Variants in CNTNAP4 observed in about 807,000 individuals in gnomAD.
CNTNAP4 encodes the protein contactin-associated protein-like 4.
Under a neutral mutation model 148.4 loss-of-function variants are expected in CNTNAP4, and 98 were observed. The observed-to-expected ratio is 0.66, with a 90% confidence interval of 0.56 to 0.78. CNTNAP4 has a LOEUF of 0.78. Ranked by LOEUF, CNTNAP4 falls within the 30% of genes least tolerant of loss-of-function variation. The pLI is 0.00. For missense variants in CNTNAP4, 1,935 were observed against 1,565.6 expected (o/e 1.24, Z -3.98); for synonymous variants, 730 against 565.1 (o/e 1.29, Z -4.14).
At chr16:76,552,672 A>G (rs1339616204) in intron 21 of CNTNAP4, among the ~76,000 whole-genome samples, 3 of 152,184 alleles carry the variant, frequency 2.0e-5, no homozygotes, top group Non-Finnish European at 2.9e-5. Flanking sequence ...AAAGGGTTTT[A>G]TTGCTGTACA....
At chr16:76,504,312 AC>A (rs2082761820) in intron 15 of CNTNAP4, among the ~76,000 whole-genome samples, 2 of 152,124 alleles carry the variant, frequency 1.3e-5, no homozygotes, top group African/African-American at 4.8e-5. Context: ...TGGTTGCTTG[AC>A]TTTTTACAAA....
At chr16:76,480,630 C>T (rs1023201424) in intron 12 of CNTNAP4, among the ~76,000 whole-genome samples, 4 of 152,038 alleles carry the variant, frequency 2.6e-5, no homozygotes, top group Non-Finnish European at 5.9e-5. Flanking sequence ...CCCAGCTACT[C>T]AGGAGGCTGA....
At chr16:76,366,223 G>A (rs1050152115) in intron 3 of CNTNAP4, among the ~76,000 whole-genome samples, 1 of 152,014 alleles carries the variant, frequency 6.6e-6, no homozygotes, top group Non-Finnish European at 1.5e-5. Context: ...AGATTATTTT[G>A]TCAGCCAGGT....
rs780366753 is a variant in CNTNAP4 at position 76,452,689 on chromosome 16, G to T, written c.1253G>T (p.Gly418Val). Reference sequence around the variant, plus strand: ...AGTGAACTTCAGCTGATTTCAGGGGGTATCCTCCTCTTTCTGAGTGATGGA... The same window carrying T: ...AGTGAACTTCAGCTGATTTCAGGGGTTATCCTCCTCTTTCTGAGTGATGGA... The part of the protein sequence containing the change: ...LFSELQLISG[G>V]ILLFLSDGKL... Residue 418 changes from glycine to valine, a missense_variant, in exon 8 of 24, where the codon GGT becomes GTT. Transcript: ENST00000611870. 1 of 1,613,438 alleles carries T rather than the reference G, an allele frequency of 6.2e-7. No individual in the cohort carries two copies. The highest frequency in any genetic ancestry group is 8.5e-7 in the Non-Finnish European group (1 of 1,179,670).
intron 1 of CNTNAP4, chr16:76,316,153 C>G (rs1321972344): frequency 7.4e-6 from 4 of 537,338 alleles, no homozygotes; most frequent in South Asian, 6.0e-5. Flanking sequence ...GAGGTATAAT[C>G]TTTTCTACCT....
intron 17 of CNTNAP4, among the ~76,000 whole-genome samples, chr16:76,534,005 C>G (rs932738031): frequency 5.9e-5 from 9 of 152,246 alleles, no homozygotes; most frequent in Non-Finnish European, 1.2e-4. Flanking sequence ...CCAGAATTCT[C>G]AGGAATTCTT....
At chr16:76,415,848 T>G (rs1183157874) in intron 3 of CNTNAP4, among the ~76,000 whole-genome samples, 1 of 151,392 alleles carries the variant, frequency 6.6e-6, no homozygotes, top group African/African-American at 2.4e-5. Context: ...CAAAATATTT[T>G]TTTAATTGTT....
intron 4 of CNTNAP4, among the ~76,000 whole-genome samples, chr16:76,434,810 C>T (rs2079756811): frequency 6.6e-6 from 1 of 152,164 alleles, no homozygotes; most frequent in Non-Finnish European, 1.5e-5. Context: ...ATTATGCATC[C>T]TGGCACTGGG....
chr16:76,338,257 ATT>A (rs1964183338), intron 2 of CNTNAP4, among the ~76,000 whole-genome samples: 1 of 152,142 alleles, frequency 6.6e-6, no homozygotes, highest in African/African-American at 2.4e-5. Context: ...AATCTTCACA[ATT>A]TATGTTCTTC....
chr16:76,438,463 T>A (rs1004953466), intron 4 of CNTNAP4, among the ~76,000 whole-genome samples: 2 of 152,046 alleles, frequency 1.3e-5, no homozygotes, highest in Admixed American at 1.3e-4. Context: ...AGATGTTTTT[T>A]AAAAAGGGAA....
intron 3 of CNTNAP4, among the ~76,000 whole-genome samples, chr16:76,412,272 G>T (rs2078826967): frequency 6.6e-6 from 1 of 151,236 alleles, no homozygotes; most frequent in Non-Finnish European, 1.5e-5. Context: ...ATTATACTTT[G>T]GGTCAATTAT....
chr16:76,314,801 A>G (rs1245224786), intron 1 of CNTNAP4, among the ~76,000 whole-genome samples: 7 of 152,148 alleles, frequency 4.6e-5, no homozygotes, highest in Admixed American at 2.0e-4. Context: ...GAGACCACCT[A>G]TCCCCAAATT....
intron 2 of CNTNAP4, among the ~76,000 whole-genome samples, chr16:76,338,638 T>G (rs1964214093): frequency 6.6e-6 from 1 of 152,178 alleles, no homozygotes; most frequent in Non-Finnish European, 1.5e-5. Flanking sequence ...CACCTGCTGA[T>G]GTGCTGTCTT....
At chr16:76,414,000 A>G (rs2078893867) in intron 3 of CNTNAP4, among the ~76,000 whole-genome samples, 1 of 151,296 alleles carries the variant, frequency 6.6e-6, no homozygotes, top group Non-Finnish European at 1.5e-5. Flanking sequence ...ACACCTATAA[A>G]TAAAGGCAGT....
intron 9 of CNTNAP4, among the ~76,000 whole-genome samples, chr16:76,465,041 C>T (rs1294939006): frequency 6.6e-6 from 1 of 152,180 alleles, no homozygotes; most frequent in African/African-American, 2.4e-5. Flanking sequence ...ATCCCCCTCC[C>T]TTGTGTAAAG....
At chr16:76,357,947 G>T (rs1001923346) in intron 3 of CNTNAP4, among the ~76,000 whole-genome samples, 3 of 152,078 alleles carry the variant, frequency 2.0e-5, no homozygotes, top group African/African-American at 7.2e-5. Flanking sequence ...ATAGGTGAAA[G>T]GACCAATAAA....
chr16:76,278,037 G>A (rs1958547770), intron 1 of CNTNAP4, among the ~76,000 whole-genome samples: 1 of 152,158 alleles, frequency 6.6e-6, no homozygotes, highest in East Asian at 1.9e-4. Flanking sequence ...CATGAAATTA[G>A]CATCTTATCG....
At chr16:76,500,353 C>A (rs1202370917) in intron 15 of CNTNAP4, among the ~76,000 whole-genome samples, 2 of 152,242 alleles carry the variant, frequency 1.3e-5, no homozygotes, top group African/African-American at 2.4e-5. Flanking sequence ...AGGTACAAAG[C>A]TATGATGGCA....
At chr16:76,392,101 C>T (rs1200908237) in intron 3 of CNTNAP4, among the ~76,000 whole-genome samples, 4 of 152,190 alleles carry the variant, frequency 2.6e-5, no homozygotes, top group African/African-American at 4.8e-5. Context: ...TCAAGGGATT[C>T]TCCTGCCTCA....
Sources: allele counts gnomAD v4.1 joint callset (sites outside exome capture counted in the v4.1 genomes callset), GRCh38; gene constraint gnomAD v4.1.1; transcripts MANE v1.5; gene names NCBI Gene and HGNC (gene_info 2026-07-23, HGNC 2026-07-21).